The following CEP95 variants were observed in gnomAD, a reference collection of about 807,000 sequenced individuals.
CEP95 encodes the protein centrosomal protein of 95 kDa.
In CEP95, 98 loss-of-function variants were observed where a neutral mutation model predicts 111.2. The observed-to-expected ratio is 0.88, with a 90% CI of 0.75 to 1.04. CEP95 has a LOEUF of 1.04. CEP95 is among the 50% of genes least tolerant of loss of function. CEP95 has a pLI of 0.00. For synonymous variants in CEP95, 323 were observed against 327.1 expected (o/e 0.99, Z 0.14); for missense variants, 1,027 against 977.2 (o/e 1.05, Z -0.68).
Position 64,533,009 on chromosome 17 carries a change from G to A in CEP95, c.1842+1G>A. Reference sequence around the variant, plus strand: ...ATCAAAGAAGAAACTCCAAGATGAAGTAAGTTACTGTCAGTCTTAAGCATA... The same window carrying A: ...ATCAAAGAAGAAACTCCAAGATGAAATAAGTTACTGTCAGTCTTAAGCATA... On this transcript the variant is annotated splice_donor_variant, in intron 15 of 19. Transcript: ENST00000556440. LOFTEE classifies it high-confidence loss of function. 1 of 1,610,916 alleles carries A rather than the reference G, an allele frequency of 6.2e-7. No homozygotes were observed. The highest frequency in any genetic ancestry group is 8.5e-7 in the Non-Finnish European group (1 of 1,179,116).
intron 7 of CEP95, 137 bp downstream of exon 7, chr17:64,521,664 G>T: frequency 2.8e-6 from 2 of 709,538 alleles, no homozygotes; most frequent in Non-Finnish European, 4.3e-6. Flanking sequence ...GTAAATGTTT[G>T]CTATTAATTA....
chr17:64,526,219 T>C lies in CEP95; in HGVS notation c.1152+19T>C. 1.2e-6 allele frequency: 2 copies of C among 1,601,136 alleles called. No homozygotes were observed. Among genetic ancestry groups the C allele is most frequent in the Non-Finnish European group, 1.7e-6 (2 of 1,175,418 alleles). ...AGATTGGGCAAGTCTTGTTTTTTCA[T>C]CTATATTGAGATTCCCATGGGTTAA... On this transcript the variant is annotated intron_variant, in intron 10 of 19. Coordinates refer to ENST00000556440, the MANE Select transcript of CEP95 (RefSeq NM_138363.3).
intron 1 of CEP95, chr17:64,507,607 T>C: frequency 1.0e-6 from 1 of 993,024 alleles, no homozygotes; most frequent in Non-Finnish European, 1.2e-6. Context: ...TCATGGGCTT[T>C]GTCTAGCACC....
chr17:64,530,604 G>GTT (rs1968205262), intron 12 of CEP95, among the ~76,000 whole-genome samples: 4 of 150,890 alleles, frequency 2.7e-5, no homozygotes, highest in Non-Finnish European at 5.9e-5. Flanking sequence ...CGTTTCCCGG[G>GTT]TTCAAGCGAT....
intron 16 of CEP95, chr17:64,534,276 A>C (rs1414117067): frequency 3.5e-6 from 1 of 284,372 alleles, no homozygotes; most frequent in Admixed American, 4.8e-5. Context: ...CCATTTTCCT[A>C]CTCCTTGTGA....
At chr17:64,532,559 G>A (rs910701374) in intron 14 of CEP95, 118 of 1,198,650 alleles carry the variant, frequency 9.8e-5, no homozygotes, top group Non-Finnish European at 1.1e-4. Flanking sequence ...TTTACCGTAC[G>A]TAGAGAATCT....
At chr17:64,512,292 C>T (rs1317274394) in intron 3 of CEP95, among the ~76,000 whole-genome samples, 3 of 152,160 alleles carry the variant, frequency 2.0e-5, no homozygotes. Flanking sequence ...CTGATTGCTT[C>T]CAACAAAGGG....
At chr17:64,511,360 C>T (rs987844026) in intron 3 of CEP95, among the ~76,000 whole-genome samples, 3 of 152,154 alleles carry the variant, frequency 2.0e-5, no homozygotes, top group African/African-American at 7.2e-5. Context: ...AAAAGATGGC[C>T]ACGCCCGGGG....
chr17:64,516,342 C>T (rs2039143302), intron 4 of CEP95, among the ~76,000 whole-genome samples: 1 of 152,190 alleles, frequency 6.6e-6, no homozygotes, highest in Non-Finnish European at 1.5e-5. Context: ...CAGCCTGACT[C>T]AGCCTAAGGC....
rs1442254445 is a variant in CEP95 at position 64,526,302 on chromosome 17, T to G, written c.1152+102T>G. The G allele has an allele frequency of 7.2e-6, 8 of 1,114,900 alleles. No individual in the cohort carries two copies. In the East Asian group the frequency reaches 1.8e-4, roughly 25 times the overall value. The allele number at this position is 1,114,900 out of a possible 1,614,324, so 69.1% of individuals were successfully genotyped here. The stretch of plus-strand genomic sequence containing the variant: ...GAGGTATTAGAAAATTAGTTGTGTC[T>G]TATTAATAGTTACTGTGAAAATGTT... On this transcript the variant is annotated intron_variant, in intron 10 of 19. Transcript: ENST00000556440.
chr17:64,536,575 CTA>C, intron 17 of CEP95, 25 bp from the exon 18 acceptor site: 1 of 1,562,102 alleles, frequency 6.4e-7, no homozygotes, highest in Non-Finnish European at 8.7e-7. Flanking sequence ...TCCTCAATGA[CTA>C]TTTTTACGAT....
chr17:64,510,254 T>G lies in CEP95; in HGVS notation c.230T>G (p.Leu77Trp). The change falls in exon 3 of 20, where the codon TTG becomes TGG. Residue 77 changes from leucine (L) to tryptophan (W), a missense_variant. Transcript: ENST00000556440. ...AVIDSLALDY[L>W]QVSLSHITGE... ...ATTGATTCACTGGCCTTGGACTACT[T>G]GCAGGTCAGCTTGTCTCACATAACA... 1 of 1,608,872 alleles carries G rather than the reference T, an allele frequency of 6.2e-7. No homozygotes were observed. Among genetic ancestry groups the G allele is most frequent in the Non-Finnish European group, 8.5e-7 (1 of 1,176,322 alleles).
At chr17:64,510,038 C>T in intron 2 of CEP95, 135 bp from the exon 3 acceptor site, 1 of 616,382 alleles carries the variant, frequency 1.6e-6, no homozygotes, top group Non-Finnish European at 2.9e-6. Context: ...TTAACTTTAT[C>T]TGTACTTTAC....
chr17:64,514,868 A>G (rs1192487476), intron 4 of CEP95: 1 of 157,422 alleles, frequency 6.4e-6, no homozygotes, highest in African/African-American at 2.4e-5. Context: ...TTGGTCACGA[A>G]TGGAATAATA....
chr17:64,536,995 T>TACAA (rs1390122484), intron 18 of CEP95, 46 bp from the exon 19 acceptor site: 9 of 1,522,686 alleles, frequency 5.9e-6, no homozygotes, highest in Non-Finnish European at 7.1e-6. Context: ...ACATTTGGAC[T>TACAA]ACAAACATTA....
At chr17:64,532,358 G>C in intron 14 of CEP95, 2 of 1,089,184 alleles carry the variant, frequency 1.8e-6, no homozygotes. Context: ...TCCAAGGCAA[G>C]CAGATGGCCT....
At chr17:64,509,621 G>A (rs573980351) in intron 2 of CEP95, among the ~76,000 whole-genome samples, 4 of 152,346 alleles carry the variant, frequency 2.6e-5, no homozygotes, top group Admixed American at 1.3e-4. Context: ...GAAAGTGGAG[G>A]TTGTAGTGAG....
At chr17:64,530,789 A>G in intron 12 of CEP95, 137 bp from the exon 13 acceptor site, 1 of 522,156 alleles carries the variant, frequency 1.9e-6, no homozygotes, top group Non-Finnish European at 3.3e-6. Context: ...AAGAGCTTGG[A>G]TGCTCGGTTG....
intron 1 of CEP95, chr17:64,507,448 G>C (rs1194744026): frequency 1.1e-4 from 145 of 1,326,906 alleles, no homozygotes; most frequent in Non-Finnish European, 1.3e-4. Context: ...TGTGCCCTCC[G>C]CCCTTGCACT....
Sources: allele counts gnomAD v4.1 joint callset (sites outside exome capture counted in the v4.1 genomes callset), GRCh38; gene constraint gnomAD v4.1.1; transcripts MANE v1.5; gene names NCBI Gene and HGNC (gene_info 2026-07-23, HGNC 2026-07-21).